The following MAF variants were observed in gnomAD, a reference collection of about 807,000 sequenced individuals.
The protein encoded by MAF is transcription factor Maf.
In MAF, 10 loss-of-function variants were observed where a neutral mutation model predicts 22.0. That is an observed-to-expected ratio of 0.45 (90% CI 0.28 to 0.77). The LOEUF (loss-of-function observed/expected upper bound fraction) is 0.77. MAF is among the 30% of genes least tolerant of loss of function. The pLI is 0.12. For synonymous variants in MAF, 337 were observed against 255.8 expected, an observed-to-expected ratio of 1.32 and a Z score of -3.03; for missense variants, 544 against 548.4, an observed-to-expected ratio of 0.99 and a Z score of 0.08.
chr16:79,298,756 G>C, the MAF span, among the ~76,000 whole-genome samples: 15,607 of 152,304 alleles, frequency 0.1, 841 homozygotes, highest in East Asian at 0.21. Flanking sequence ...AGCCAGGGCA[G>C]AGCGGACGTG....
chr16:79,212,129 G>C, the MAF span: 18 of 1,530,292 alleles, frequency 1.2e-5, no homozygotes, highest in Non-Finnish European at 1.5e-5. Context: ...TTATAGAATA[G>C]CCTGAGGTCC....
At chr16:79,210,324 A>G in the MAF span, among the ~76,000 whole-genome samples, 1 of 152,166 alleles carries the variant, frequency 6.6e-6, no homozygotes, top group Non-Finnish European at 1.5e-5. Flanking sequence ...ATTTCTCAGT[A>G]TGGACCTGAC....
chr16:79,557,967 G>A, the MAF span, among the ~76,000 whole-genome samples: 1 of 151,398 alleles, frequency 6.6e-6, no homozygotes, highest in South Asian at 2.1e-4. Context: ...TTCAGGGAAG[G>A]GCAGTGAATG....
At chr16:79,570,491 C>G in the MAF span, among the ~76,000 whole-genome samples, 1 of 152,170 alleles carries the variant, frequency 6.6e-6, no homozygotes, top group South Asian at 2.1e-4. Context: ...ATCTCCAGCC[C>G]ACAGCCATCT....
At chr16:79,230,997 G>A in the MAF span, among the ~76,000 whole-genome samples, 1 of 152,034 alleles carries the variant, frequency 6.6e-6, no homozygotes, top group African/African-American at 2.4e-5. Context: ...GGGTTGGTCA[G>A]GTTCAAATAT....
At chr16:79,413,826 G>A in the MAF span, among the ~76,000 whole-genome samples, 9 of 152,246 alleles carry the variant, frequency 5.9e-5, no homozygotes, top group Admixed American at 2.0e-4. Context: ...GGTTTTGTGG[G>A]GTAAAGCACA....
the MAF span, among the ~76,000 whole-genome samples, chr16:79,437,037 G>A: frequency 7.9e-5 from 12 of 152,188 alleles, no homozygotes; most frequent in Non-Finnish European, 1.6e-4. Context: ...TAGTTTGAAC[G>A]TGCATGAATG....
At chr16:79,567,976 C>G in the MAF span, among the ~76,000 whole-genome samples, 1 of 152,302 alleles carries the variant, frequency 6.6e-6, no homozygotes, top group East Asian at 1.9e-4. Context: ...TATCGACAGA[C>G]TCCAGAGCTT....
the MAF span, among the ~76,000 whole-genome samples, chr16:79,437,998 G>A: frequency 6.6e-6 from 1 of 152,216 alleles, no homozygotes; most frequent in Non-Finnish European, 1.5e-5. Context: ...GCACCGGGAA[G>A]CCGGGGCTAC....
At chr16:79,248,982 C>T in the MAF span, among the ~76,000 whole-genome samples, 1 of 152,110 alleles carries the variant, frequency 6.6e-6, no homozygotes, top group Non-Finnish European at 1.5e-5. Context: ...ATGCACTTAA[C>T]CCCTGCTGTG....
chr16:79,365,929 G>A, the MAF span, among the ~76,000 whole-genome samples: 1 of 152,320 alleles, frequency 6.6e-6, no homozygotes, highest in Admixed American at 6.5e-5. Context: ...GACCTGTTTG[G>A]ACTTTATGAC....
the MAF span, among the ~76,000 whole-genome samples, chr16:79,261,870 G>A: frequency 6.6e-6 from 1 of 152,196 alleles, no homozygotes; most frequent in Non-Finnish European, 1.5e-5. Flanking sequence ...TGGAAGGGAG[G>A]GGCCAGAATG....
At chr16:79,543,160 T>C in the MAF span, among the ~76,000 whole-genome samples, 5 of 152,190 alleles carry the variant, frequency 3.3e-5, no homozygotes, top group Non-Finnish European at 5.9e-5. Flanking sequence ...GATAACATAG[T>C]AATAAAAGCA....
chr16:79,567,318 C>G, the MAF span, among the ~76,000 whole-genome samples: 4 of 130,666 alleles, frequency 3.1e-5, no homozygotes, highest in Non-Finnish European at 6.7e-5. Context: ...GACTCCACCT[C>G]AGAAAAAAAA....
the MAF span, among the ~76,000 whole-genome samples, chr16:79,377,024 T>C: frequency 1.3e-5 from 2 of 152,196 alleles, no homozygotes; most frequent in African/African-American, 2.4e-5. Flanking sequence ...TTTATAATCC[T>C]TTGGGTATAT....
the MAF span, among the ~76,000 whole-genome samples, chr16:79,324,952 T>C: frequency 1.3e-5 from 2 of 152,284 alleles, no homozygotes; most frequent in Non-Finnish European, 2.9e-5. Flanking sequence ...TGGCAATCAT[T>C]GGTGCTCTGT....
the MAF span, among the ~76,000 whole-genome samples, chr16:79,479,692 G>A: frequency 5.9e-5 from 9 of 152,196 alleles, no homozygotes; most frequent in Admixed American, 1.3e-4. Flanking sequence ...TATATGCTAG[G>A]CAGAATTTGG....
chr16:79,262,253 T>G, the MAF span, among the ~76,000 whole-genome samples: 1 of 152,136 alleles, frequency 6.6e-6, no homozygotes, highest in Admixed American at 6.5e-5. Context: ...AGACAGCCAG[T>G]AGGTATCGTC....
At chr16:79,293,763 C>T in the MAF span, among the ~76,000 whole-genome samples, 1 of 152,016 alleles carries the variant, frequency 6.6e-6, no homozygotes, top group Non-Finnish European at 1.5e-5. Flanking sequence ...CAGAGCATCC[C>T]ATTGTTGGAT....
Sources: gnomAD v4.1 joint callset for allele counts (sites outside exome capture counted in the v4.1 genomes callset) on GRCh38, gnomAD v4.1.1 for gene constraint, MANE v1.5 for transcripts, NCBI Gene and HGNC (gene_info 2026-07-23, HGNC 2026-07-21) for gene names.